LRRTM4: variants seen among roughly 807,000 people sequenced by gnomAD.
LRRTM4 encodes leucine rich repeat transmembrane neuronal 4, also known as leucine-rich repeat transmembrane neuronal protein 4.
Under a neutral mutation model 47.6 loss-of-function variants are expected in LRRTM4, and 25 were observed. The observed-to-expected ratio is 0.53, with a 90% CI of 0.38 to 0.73. LRRTM4 has a LOEUF of 0.73. Ranked by LOEUF, LRRTM4 falls within the 30% of genes least tolerant of loss-of-function variation. LRRTM4 has a pLI of 0.00. For missense variants in LRRTM4, 638 were observed against 713.4 expected, an observed-to-expected ratio of 0.89 and a Z score of 1.20; for synonymous variants, 311 against 269.5, an observed-to-expected ratio of 1.15 and a Z score of -1.51.
intron 3 of LRRTM4, among the ~76,000 whole-genome samples, chr2:77,334,060 G>A (rs1052016360): frequency 6.6e-6 from 1 of 152,126 alleles, no homozygotes; most frequent in African/African-American, 2.4e-5. Flanking sequence ...GGCACTTGTA[G>A]CCTCTTTGTG....
At chr2:76,930,084 C>T (rs914202823) in intron 3 of LRRTM4, among the ~76,000 whole-genome samples, 7 of 151,972 alleles carry the variant, frequency 4.6e-5, no homozygotes, top group Admixed American at 2.0e-4. Flanking sequence ...AGTATTGTAT[C>T]AGTTTCAGGC....
intron 3 of LRRTM4, among the ~76,000 whole-genome samples, chr2:77,141,145 T>G (rs1672109732): frequency 6.6e-6 from 1 of 152,150 alleles, no homozygotes; most frequent in Non-Finnish European, 1.5e-5. Context: ...GGATTATAAA[T>G]CATGCTGCTG....
intron 3 of LRRTM4, among the ~76,000 whole-genome samples, chr2:77,088,026 G>A (rs1372823541): frequency 5.3e-5 from 8 of 152,128 alleles, no homozygotes; most frequent in Non-Finnish European, 1.2e-4. Context: ...AGGGAAGCAG[G>A]GACAACAAAT....
chr2:77,484,909 T>A (rs1677851346), intron 3 of LRRTM4, among the ~76,000 whole-genome samples: 2 of 152,190 alleles, frequency 1.3e-5, no homozygotes, highest in Admixed American at 6.5e-5. Context: ...GGTTTAAGCA[T>A]GTTTATGAAT....
chr2:76,850,215 C>A (rs552808334), intron 3 of LRRTM4, among the ~76,000 whole-genome samples: 2 of 152,202 alleles, frequency 1.3e-5, no homozygotes, highest in South Asian at 4.1e-4. Flanking sequence ...TGCCCATCTG[C>A]ACTTTCATGC....
intron 3 of LRRTM4, among the ~76,000 whole-genome samples, chr2:76,859,846 CT>C (rs1475009163): frequency 6.6e-6 from 1 of 152,038 alleles, no homozygotes; most frequent in African/African-American, 2.4e-5. Context: ...ATATTCCAAT[CT>C]TGTGTACAGT....
At chr2:76,805,543 G>T (rs1285945698) in intron 3 of LRRTM4, among the ~76,000 whole-genome samples, 1 of 152,114 alleles carries the variant, frequency 6.6e-6, no homozygotes, top group Non-Finnish European at 1.5e-5. Flanking sequence ...CAAACCTACT[G>T]AAAATATATT....
intron 3 of LRRTM4, among the ~76,000 whole-genome samples, chr2:77,491,647 A>G (rs1366061031): frequency 6.6e-6 from 1 of 151,788 alleles, no homozygotes; most frequent in Non-Finnish European, 1.5e-5. Context: ...TAGTATTAAA[A>G]AGAATATTAA....
intron 3 of LRRTM4, among the ~76,000 whole-genome samples, chr2:76,933,621 T>A (rs558914549): frequency 1.3e-5 from 2 of 152,244 alleles, no homozygotes; most frequent in Admixed American, 1.3e-4. Context: ...AAAAATAACA[T>A]AACAGGGTTT....
At chr2:77,148,290 C>T (rs1672312846) in intron 3 of LRRTM4, among the ~76,000 whole-genome samples, 1 of 152,078 alleles carries the variant, frequency 6.6e-6, no homozygotes, top group African/African-American at 2.4e-5. Flanking sequence ...AATGATTTGG[C>T]ATATCTTAAA....
chr2:77,497,329 T>C (rs1224726830), intron 3 of LRRTM4, among the ~76,000 whole-genome samples: 2 of 151,084 alleles, frequency 1.3e-5, no homozygotes, highest in Non-Finnish European at 3.0e-5. Context: ...TAATTATTTT[T>C]CTGCTTACTT....
intron 3 of LRRTM4, among the ~76,000 whole-genome samples, chr2:77,497,498 G>A (rs11679943): frequency 0.33 from 49,556 of 150,544 alleles, 8,324 homozygotes; most frequent in Non-Finnish European, 0.35. Context: ...TCTACAATAA[G>A]AATCTTCTTC....
intron 3 of LRRTM4, among the ~76,000 whole-genome samples, chr2:77,176,286 C>A (rs1289321335): frequency 6.6e-6 from 1 of 152,170 alleles, no homozygotes; most frequent in East Asian, 1.9e-4. Context: ...TCACCCATCA[C>A]TTTAGATGCC....
intron 3 of LRRTM4, among the ~76,000 whole-genome samples, chr2:77,354,236 G>A (rs1304206869): frequency 6.6e-6 from 1 of 152,200 alleles, no homozygotes; most frequent in East Asian, 1.9e-4. Flanking sequence ...CTGGTCCAAA[G>A]TTCCACCTCC....
intron 3 of LRRTM4, among the ~76,000 whole-genome samples, chr2:77,222,106 A>G: frequency 6.6e-6 from 1 of 152,192 alleles, no homozygotes; most frequent in South Asian, 2.1e-4. Context: ...CTGAATGACT[A>G]CTGGGTACAT....
chr2:77,106,780 A>T (rs1005205593), intron 3 of LRRTM4, among the ~76,000 whole-genome samples: 1 of 152,102 alleles, frequency 6.6e-6, no homozygotes, highest in East Asian at 1.9e-4. Context: ...TAAGTTGCCA[A>T]TATTAATGAT....
intron 3 of LRRTM4, among the ~76,000 whole-genome samples, chr2:76,780,365 T>G (rs1674302011): frequency 6.6e-6 from 1 of 152,214 alleles, no homozygotes; most frequent in Admixed American, 6.5e-5. Context: ...TTTTCCAACT[T>G]GGTTCCATTC....
chr2:77,167,040 T>A (rs1011224423), intron 3 of LRRTM4, among the ~76,000 whole-genome samples: 1 of 151,606 alleles, frequency 6.6e-6, no homozygotes, highest in Non-Finnish European at 1.5e-5. Flanking sequence ...TGGGAGAAAA[T>A]TTTTACAATC....
intron 3 of LRRTM4, among the ~76,000 whole-genome samples, chr2:77,063,489 C>T (rs1679858498): frequency 6.6e-6 from 1 of 152,026 alleles, no homozygotes; most frequent in Non-Finnish European, 1.5e-5. Flanking sequence ...GAAGGAAATA[C>T]ATGAAGTAGA....
Sources: allele counts gnomAD v4.1 joint callset (sites outside exome capture counted in the v4.1 genomes callset), GRCh38; gene constraint gnomAD v4.1.1; transcripts MANE v1.5; gene names NCBI Gene and HGNC (gene_info 2026-07-23, HGNC 2026-07-21).